The following NAV2 variants were observed in gnomAD, a reference collection of about 807,000 sequenced individuals.
The protein encoded by NAV2 is helicase, APC down-regulated 1.
NAV2 carries 54 observed loss-of-function variants against 223.2 expected under a neutral mutation model. The ratio of observed to expected loss-of-function variants is 0.24; its 90% confidence interval spans 0.19 to 0.30. The LOEUF (loss-of-function observed/expected upper bound fraction) is 0.30. NAV2 is among the 10% of genes least tolerant of loss of function. The pLI is 1.00. For synonymous variants in NAV2, 1,279 were observed against 1,239.3 expected (o/e 1.03, Z -0.67); for missense variants, 2,806 against 3,147.5 (o/e 0.89, Z 2.60).
At chr11:19,932,655 C>T (rs2045486721) in intron 6 of NAV2, among the ~76,000 whole-genome samples, 1 of 152,220 alleles carries the variant, frequency 6.6e-6, no homozygotes, top group Admixed American at 6.5e-5. Flanking sequence ...ATAGGAAAAA[C>T]TTACATGCTT....
intron 1 of NAV2, among the ~76,000 whole-genome samples, chr11:19,596,998 C>G (rs2046222820): frequency 1.3e-5 from 2 of 152,302 alleles, no homozygotes; most frequent in East Asian, 3.9e-4. Context: ...TAGCTGGCCC[C>G]CCTGACTCCA....
At position 20,074,760 on chromosome 11, in the gene NAV2, C is replaced by CCTTTTTTTTTTTTTTTTTTTTTTTTT. The variant is rs56895607; in HGVS notation, c.4984-2792_4984-2791insCTTTTTTTTTTTTTTTTTTTTTTTTT. Among the ~76,000 whole-genome samples the CCTTTTTTTTTTTTTTTTTTTTTTTTT allele has an allele frequency of 2.1e-3, 233 of 110,222 alleles. 38 individuals carry two copies. Among genetic ancestry groups the CCTTTTTTTTTTTTTTTTTTTTTTTTT allele is most frequent in the Middle Eastern group, 9.5e-3 (2 of 210 alleles). The allele number at this position is 110,222 out of a possible 152,430, so 72.3% of individuals were successfully genotyped here. A position where few individuals can be genotyped will look rare whatever the true frequency, so the allele number is the denominator to read the frequency against. On this transcript the variant is annotated intron_variant, in intron 22 of 37. Transcript: ENST00000349880. ...ATTGGAGACTAGGATTGCAACTCTGCTTTTTTTTTTTTTTTTGCTTTCCAT... is the reference window on the plus strand; with the variant it reads ...ATTGGAGACTAGGATTGCAACTCTGCCTTTTTTTTTTTTTTTTTTTTTTTTTTTTTTTTTTTTTTTTTGCTTTCCAT...
At chr11:19,582,192 GCCCA>G (rs1554967680) in intron 1 of NAV2, among the ~76,000 whole-genome samples, 4 of 152,120 alleles carry the variant, frequency 2.6e-5, no homozygotes, top group Non-Finnish European at 5.9e-5. Flanking sequence ...CATATCCTTC[GCCCA>G]CTTGTTGATG....
At chr11:19,808,002 G>A (rs992911747) in intron 1 of NAV2, among the ~76,000 whole-genome samples, 2 of 152,218 alleles carry the variant, frequency 1.3e-5, no homozygotes, top group Admixed American at 6.5e-5. Context: ...CATAGTGGCA[G>A]GTGGCTGTCA....
rs1050272528 is a variant in NAV2, at chr11:19,712,837, G to A, written c.-859G>A. On this transcript the variant is annotated 5_prime_UTR_variant, in exon 1 of 38. Transcript: ENST00000349880. ...GCCGCAGCAGCGCCGGCAGCAGCCT[G>A]TCCTCCCCTGCGCTGAGCCCCGCAG... Among the ~76,000 whole-genome samples, 1 of 151,340 alleles carries A rather than the reference G, an allele frequency of 6.6e-6. No homozygotes were observed. Among genetic ancestry groups the A allele is most frequent in the African/African-American group, 2.4e-5 (1 of 41,330 alleles).
chr11:20,085,050 C>T (rs2060338814), intron 26 of NAV2, among the ~76,000 whole-genome samples: 1 of 133,168 alleles, frequency 7.5e-6, no homozygotes, highest in Admixed American at 7.4e-5. Flanking sequence ...TTTAATCGGT[C>T]AGGCATGGTG....
At chr11:20,005,252 TA>T (rs201929657) in intron 11 of NAV2, among the ~76,000 whole-genome samples, 4,450 of 14,184 alleles carry the variant, frequency 0.31, 100 homozygotes, top group East Asian at 0.5. Flanking sequence ...TATATATATA[TA>T]TTTTTTTTTT....
rs1713505904 is a variant in NAV2 at position 19,948,421 on chromosome 11, A to G, written c.2256-270A>G. ...TCTGGCCTGGAAAGAAAATTCTAGTAGTTGAGGTCATTTAATTAAAGTAAT... is the reference window on the plus strand; with the variant it reads ...TCTGGCCTGGAAAGAAAATTCTAGTGGTTGAGGTCATTTAATTAAAGTAAT... On this transcript the variant is annotated intron_variant, in intron 9 of 37. Coordinates refer to ENST00000349880, the MANE Select transcript of NAV2 (RefSeq NM_145117.5). Among the ~76,000 whole-genome samples the G allele has an allele frequency of 2.0e-5, 3 of 152,140 alleles. No homozygotes were observed. In the South Asian group the frequency reaches 6.2e-4, roughly 31 times the overall value.
intron 1 of NAV2, among the ~76,000 whole-genome samples, chr11:19,529,772 C>A (rs150562093): frequency 6.0e-4 from 91 of 152,352 alleles, no homozygotes; most frequent in South Asian, 2.1e-3. Flanking sequence ...CTCTTCAAAT[C>A]ACTCAGTGAC....
At chr11:19,825,756 A>G (rs973143207) in intron 1 of NAV2, among the ~76,000 whole-genome samples, 4 of 152,200 alleles carry the variant, frequency 2.6e-5, no homozygotes, top group Non-Finnish European at 5.9e-5. Flanking sequence ...ATTACAACTA[A>G]TGATTAGGTT....
At position 20,044,930 on chromosome 11, in the gene NAV2, C is replaced by T. The variant is rs143548661; in HGVS notation, c.3200-38C>T. 91 of 1,542,038 alleles carry T rather than the reference C, an allele frequency of 5.9e-5. No individual in the cohort carries two copies. The African/African-American group carries it at 1.0e-3, about 17-fold the overall frequency. The stretch of plus-strand genomic sequence containing the variant: ...AACAGACGAGATGGATGAGCTGGCT[C>T]TTGGCTTGCAGGCTAATCTTGCTGA... On this transcript the variant is annotated intron_variant, in intron 13 of 37. Transcript: ENST00000349880.
intron 11 of NAV2, among the ~76,000 whole-genome samples, chr11:20,001,351 T>C (rs2052524253): frequency 6.6e-6 from 1 of 152,164 alleles, no homozygotes; most frequent in Non-Finnish European, 1.5e-5. Context: ...TTTCCTATTT[T>C]CCCTGTTGCT....
intron 1 of NAV2, among the ~76,000 whole-genome samples, chr11:19,705,278 C>T (rs1234804980): frequency 6.6e-6 from 1 of 152,162 alleles, no homozygotes; most frequent in Non-Finnish European, 1.5e-5. Flanking sequence ...AGGTGGTGCT[C>T]ACTCCAAAAT....
Position 20,107,799 on chromosome 11 carries a change from G to A in NAV2, c.6960+17G>A. ...GGACTCCAGGTGAGAAGACACCCCT[G>A]CTGGCTTCCTTGAAGCTGAGGGGGA... On this transcript the variant is annotated intron_variant, in intron 36 of 37. Transcript: ENST00000349880. The A allele has an allele frequency of 6.4e-7, 1 of 1,555,466 alleles. No individual in the cohort carries two copies. The highest frequency in any genetic ancestry group is 8.9e-7 in the Non-Finnish European group (1 of 1,126,918).
At chr11:19,710,744 A>G (rs1325711681), upstream of NAV2, among the ~76,000 whole-genome samples, 1 of 152,266 alleles carries the variant, frequency 6.6e-6, no homozygotes, top group African/African-American at 2.4e-5. Flanking sequence ...ACTAGAATTC[A>G]GGGCAGGCAA....
rs1044660657 is a variant in NAV2, at chr11:20,044,197, A to G, written c.3124A>G (p.Thr1042Ala). Residue 1042 changes from threonine (T) to alanine (A), a missense_variant, in exon 13 of 38, where the codon ACA becomes GCA. Coordinates refer to ENST00000349880, the MANE Select transcript of NAV2 (RefSeq NM_145117.5). Reference sequence around the variant, plus strand: ...GACAGGCTCATGGCGGCGAGGCATGACAGCTCAGGTGGGCATCACCATGCC... The same window carrying G: ...GACAGGCTCATGGCGGCGAGGCATGGCAGCTCAGGTGGGCATCACCATGCC... ...SQTGSWRRGMTAQVGITMPRT... is the reference protein window; with the variant it reads ...SQTGSWRRGMAAQVGITMPRT... 1.2e-6 allele frequency: 2 copies of G among 1,614,106 alleles called. No individual in the cohort carries two copies. Among genetic ancestry groups the G allele is most frequent in the African/African-American group, 2.7e-5 (2 of 74,936 alleles).
intron 11 of NAV2, among the ~76,000 whole-genome samples, chr11:20,002,992 G>A (rs1302274037): frequency 1.3e-5 from 2 of 152,202 alleles, no homozygotes; most frequent in Admixed American, 1.3e-4. Flanking sequence ...ACCATAAATG[G>A]GCTGTAAACC....
chr11:20,008,735 C>CT (rs2053302395), intron 11 of NAV2, among the ~76,000 whole-genome samples: 1 of 34,396 alleles, frequency 2.9e-5, no homozygotes, highest in Non-Finnish European at 1.0e-4. Flanking sequence ...GTTCCTCAGA[C>CT]CTTTTTTTTT....
chr11:19,913,428 T>C (rs1286133789), intron 6 of NAV2, among the ~76,000 whole-genome samples: 2 of 152,218 alleles, frequency 1.3e-5, no homozygotes, highest in African/African-American at 4.8e-5. Flanking sequence ...GCCACCCCAG[T>C]TGGTCTTATC....
Sources: gnomAD v4.1 joint callset for allele counts (sites outside exome capture counted in the v4.1 genomes callset) on GRCh38, gnomAD v4.1.1 for gene constraint, MANE v1.5 for transcripts, NCBI Gene and HGNC (gene_info 2026-07-23, HGNC 2026-07-21) for gene names.